Variants in XRCC4 observed in about 807,000 individuals in gnomAD.
The protein encoded by XRCC4 is DNA repair protein XRCC4.
In XRCC4, 28 loss-of-function variants were observed where a neutral mutation model predicts 39.1. The observed-to-expected ratio is 0.72, with a 90% CI of 0.53 to 0.98. The LOEUF (loss-of-function observed/expected upper bound fraction) is 0.98. XRCC4 is among the 50% of genes least tolerant of loss of function. The probability of loss-of-function intolerance (pLI) is 0.00; values close to 1 mark genes in which losing one functional copy is unlikely to be tolerated. For synonymous variants in XRCC4, 123 were observed against 126.4 expected (o/e 0.97, Z 0.18); for missense variants, 350 against 376.4 (o/e 0.93, Z 0.58).
intron 2 of XRCC4, among the ~76,000 whole-genome samples, chr5:83,108,128 T>G (rs972238642): frequency 6.6e-6 from 1 of 151,918 alleles, no homozygotes; most frequent in African/African-American, 2.4e-5. Flanking sequence ...CTGCTCATGT[T>G]TTATGCCTTA....
intron 3 of XRCC4, among the ~76,000 whole-genome samples, chr5:83,183,669 A>G (rs967543047): frequency 5.9e-5 from 9 of 152,018 alleles, no homozygotes; most frequent in Non-Finnish European, 1.2e-4. Context: ...CAGAGTTTAT[A>G]ATTGTTATCT....
chr5:83,275,668 G>T (rs115796942), intron 7 of XRCC4, among the ~76,000 whole-genome samples: 1 of 152,272 alleles, frequency 6.6e-6, no homozygotes, highest in Non-Finnish European at 1.5e-5. Flanking sequence ...GAATTCCTGC[G>T]ACAAATGAGG....
chr5:83,370,769 T>C, the XRCC4 span, among the ~76,000 whole-genome samples: 2 of 152,128 alleles, frequency 1.3e-5, no homozygotes, highest in Admixed American at 1.3e-4. Flanking sequence ...TATCGTTTCT[T>C]CCTCTGTAAT....
chr5:83,092,738 C>T (rs970733430), intron 1 of XRCC4, among the ~76,000 whole-genome samples: 2 of 151,772 alleles, frequency 1.3e-5, no homozygotes, highest in Non-Finnish European at 2.9e-5. Flanking sequence ...CTTTGTAAGC[C>T]TCATGGTAGC....
intron 7 of XRCC4, among the ~76,000 whole-genome samples, chr5:83,307,137 A>C (rs1580491591): frequency 6.6e-6 from 1 of 152,322 alleles, no homozygotes; most frequent in East Asian, 1.9e-4. Context: ...TCCAGTGCAC[A>C]CTTTCTTGCT....
chr5:83,315,120 G>C (rs1235483428), intron 7 of XRCC4, among the ~76,000 whole-genome samples: 1 of 152,108 alleles, frequency 6.6e-6, no homozygotes, highest in Non-Finnish European at 1.5e-5. Context: ...TGACAAGAAA[G>C]TAACACAGCC....
At chr5:83,270,036 G>T (rs1754085058) in intron 7 of XRCC4, among the ~76,000 whole-genome samples, 1 of 152,158 alleles carries the variant, frequency 6.6e-6, no homozygotes, top group Admixed American at 6.5e-5. Context: ...GGTCCCATTT[G>T]GGGGTGATGG....
intron 7 of XRCC4, among the ~76,000 whole-genome samples, chr5:83,272,609 T>C (rs942983038): frequency 1.3e-5 from 2 of 152,066 alleles, no homozygotes; most frequent in Admixed American, 6.5e-5. Context: ...CCACAGTATG[T>C]GATGTTCCCC....
At chr5:83,299,995 G>C (rs1220917174) in intron 7 of XRCC4, among the ~76,000 whole-genome samples, 4 of 152,138 alleles carry the variant, frequency 2.6e-5, no homozygotes, top group African/African-American at 9.7e-5. Flanking sequence ...GAGATTCTTT[G>C]AGGCTTAGTA....
intron 3 of XRCC4, among the ~76,000 whole-genome samples, chr5:83,136,356 C>T (rs1747897113): frequency 6.6e-6 from 1 of 152,144 alleles, no homozygotes; most frequent in Admixed American, 6.5e-5. Context: ...CTTTCTTGCC[C>T]TCTGCTCTGG....
At chr5:83,147,557 G>T (rs1047811922) in intron 3 of XRCC4, among the ~76,000 whole-genome samples, 2 of 152,040 alleles carry the variant, frequency 1.3e-5, no homozygotes, top group Admixed American at 6.6e-5. Context: ...TGGGGGTGGG[G>T]TAGAAGGTGC....
intron 7 of XRCC4, among the ~76,000 whole-genome samples, chr5:83,344,500 G>A (rs1756863540): frequency 6.8e-6 from 1 of 147,174 alleles, no homozygotes; most frequent in African/African-American, 2.6e-5. Flanking sequence ...ATACTACTAG[G>A]CTCAAATGAT....
At chr5:83,358,166 G>A (rs1390806253), downstream of XRCC4, among the ~76,000 whole-genome samples, 4 of 152,108 alleles carry the variant, frequency 2.6e-5, no homozygotes, top group African/African-American at 9.7e-5. Flanking sequence ...CTAACCTAAA[G>A]TGGTTTTCTC....
chr5:83,253,183 G>C (rs1045480721), intron 6 of XRCC4, among the ~76,000 whole-genome samples: 1 of 152,174 alleles, frequency 6.6e-6, no homozygotes, highest in Admixed American at 6.5e-5. Context: ...TAAAGGTATT[G>C]TTGCCCTGCA....
At chr5:83,095,513 G>A (rs1745635982) in intron 1 of XRCC4, among the ~76,000 whole-genome samples, 1 of 152,210 alleles carries the variant, frequency 6.6e-6, no homozygotes, top group African/African-American at 2.4e-5. Context: ...GTGCCTGCCT[G>A]TTGTCAAAAT....
At chr5:83,344,366 A>G (rs1432571420) in intron 7 of XRCC4, among the ~76,000 whole-genome samples, 2 of 150,350 alleles carry the variant, frequency 1.3e-5, no homozygotes, top group African/African-American at 4.9e-5. Context: ...CCTCTTGAGT[A>G]GCTAGCACTA....
chr5:83,351,809 TGC>T (rs1279770681), intron 7 of XRCC4, among the ~76,000 whole-genome samples: 1 of 152,192 alleles, frequency 6.6e-6, no homozygotes, highest in African/African-American at 2.4e-5. Context: ...CTAATCAAGA[TGC>T]CAAGGAGAAC....
At chr5:83,226,982 A>C (rs1752315906) in intron 6 of XRCC4, among the ~76,000 whole-genome samples, 1 of 152,184 alleles carries the variant, frequency 6.6e-6, no homozygotes, top group East Asian at 1.9e-4. Context: ...CATGTATATT[A>C]GACTTTTCCC....
chr5:83,282,659 G>A (rs1381094015), intron 7 of XRCC4, among the ~76,000 whole-genome samples: 8 of 151,928 alleles, frequency 5.3e-5, no homozygotes, highest in African/African-American at 1.7e-4. Flanking sequence ...TGGCTAACAC[G>A]GTGAAACCCC....
Sources: allele counts gnomAD v4.1 joint callset (sites outside exome capture counted in the v4.1 genomes callset), GRCh38; gene constraint gnomAD v4.1.1; transcripts MANE v1.5; gene names NCBI Gene and HGNC (gene_info 2026-07-23, HGNC 2026-07-21).